Variants in SH3PXD2B observed in about 807,000 individuals in gnomAD.
The protein encoded by SH3PXD2B is SH3 and PX domains 2B, also known as SH3 and PX domain-containing protein 2B.
In SH3PXD2B, 37 loss-of-function variants were observed where a neutral mutation model predicts 73.1. The ratio of observed to expected loss-of-function variants is 0.51; its 90% CI spans 0.39 to 0.67. The LOEUF (loss-of-function observed/expected upper bound fraction) is 0.67. Among genes scored for constraint, SH3PXD2B ranks in the 30% least tolerant of loss-of-function variants. The pLI is 0.00. For missense variants in SH3PXD2B, 1,053 were observed against 1,197.8 expected (o/e 0.88, Z 1.78); for synonymous variants, 457 against 480.5 (o/e 0.95, Z 0.64).
chr5:172,412,100 A>G (rs1457908700), intron 2 of SH3PXD2B, among the ~76,000 whole-genome samples: 2 of 152,188 alleles, frequency 1.3e-5, no homozygotes, highest in Non-Finnish European at 1.5e-5. Flanking sequence ...CACTTAGCAT[A>G]AGGTCCTCAA....
rs974814826 is a variant in SH3PXD2B, at chr5:172,338,240, A to G, written c.*129T>C. 8 of 1,567,228 alleles carry G rather than the reference A, an allele frequency of 5.1e-6. No individual in the cohort carries two copies. The African/African-American group carries it at 1.1e-4, about 21-fold the overall frequency. On this transcript the variant is annotated 3_prime_UTR_variant, in exon 13 of 13. Transcript: ENST00000311601. The surrounding 1 kb of genome is among the most constrained non-coding windows in gnomAD (Gnocchi z 5.1). ...ACTCACTCTCCACCCATGGGAGGCA[A>G]GAAGTCACAGTACCCCAGAGTCTGT...
At chr5:172,393,969 G>C (rs1220604394) in intron 4 of SH3PXD2B, among the ~76,000 whole-genome samples, 2 of 151,416 alleles carry the variant, frequency 1.3e-5, no homozygotes, top group Non-Finnish European at 2.9e-5. Flanking sequence ...TTTTGAGACA[G>C]AGCCTCACTC....
chr5:172,329,870 G>A (rs1040088918), downstream of SH3PXD2B, among the ~76,000 whole-genome samples: 11 of 152,038 alleles, frequency 7.2e-5, no homozygotes, highest in Non-Finnish European at 1.6e-4. Flanking sequence ...ATGAACCTGG[G>A]CCTTATTAAT....
chr5:172,416,193 T>C (rs116107820), intron 2 of SH3PXD2B, among the ~76,000 whole-genome samples: 2,323 of 152,148 alleles, frequency 0.015, 57 homozygotes, highest in African/African-American at 0.053. Context: ...TCAGGCGTGG[T>C]GGCACACACC....
rs374046059 is a variant in SH3PXD2B, at chr5:172,347,342, A to C, written c.1013-10T>G. 34 of 1,613,784 alleles carry C rather than the reference A, an allele frequency of 2.1e-5. No individual in the cohort carries two copies. The African/African-American group carries it at 4.1e-4, about 20-fold the overall frequency. On this transcript the variant is annotated splice_polypyrimidine_tract_variant and intron_variant, in intron 10 of 12. Coordinates refer to ENST00000311601, the MANE Select transcript of SH3PXD2B (RefSeq NM_001017995.3). ...CTCATCTTTGGTGATCCTATGGAGA[A>C]ATGAGAGCTTATTACATCTTGTGCT...
chr5:172,329,083 A>ATATATTTTTTTTTTTTTTTTTTTT (rs58472514), downstream of SH3PXD2B, among the ~76,000 whole-genome samples: 1 of 61,818 alleles, frequency 1.6e-5, no homozygotes, highest in African/African-American at 7.8e-5. Flanking sequence ...ATATATATAT[A>ATATATTTTTTTTTTTTTTTTTTTT]TTTTTTTTTT....
chr5:172,346,279 A>T lies in SH3PXD2B; in HGVS notation c.1063-18T>A, dbSNP rs771167078. 1.9e-6 allele frequency: 3 copies of T among 1,613,376 alleles called. No homozygotes were observed. Among genetic ancestry groups the T allele is most frequent in the Non-Finnish European group, 2.5e-6 (3 of 1,179,852 alleles). ...CCTCGAGGCTGGTACGATCACACACAGGGTTATCTCCAAGGCTAAGTGCAC... is the reference window on the plus strand; with the variant it reads ...CCTCGAGGCTGGTACGATCACACACTGGGTTATCTCCAAGGCTAAGTGCAC... On this transcript the variant is annotated intron_variant, in intron 11 of 12. Transcript: ENST00000311601.
intron 6 of SH3PXD2B, among the ~76,000 whole-genome samples, chr5:172,370,996 G>C (rs1032278789): frequency 6.6e-6 from 1 of 152,172 alleles, no homozygotes; most frequent in Non-Finnish European, 1.5e-5. Flanking sequence ...TTGTGGCCCA[G>C]CAGGAAATAT....
downstream of SH3PXD2B, among the ~76,000 whole-genome samples, chr5:172,332,622 G>A (rs1398398162): frequency 1.3e-5 from 2 of 151,960 alleles, no homozygotes; most frequent in African/African-American, 4.8e-5. Flanking sequence ...CCTAAGCAAG[G>A]TCTGCAAGAA....
intron 6 of SH3PXD2B, among the ~76,000 whole-genome samples, chr5:172,368,566 AAAATATGT>A (rs1757605056): frequency 1.8e-4 from 4 of 21,920 alleles, no homozygotes; most frequent in African/African-American, 3.8e-4. Context: ...ATATATATAT[AAAATATGT>A]TATATATATA....
At chr5:172,439,459 G>A (rs1259281117) in intron 1 of SH3PXD2B, among the ~76,000 whole-genome samples, 1 of 151,938 alleles carries the variant, frequency 6.6e-6, no homozygotes, top group Non-Finnish European at 1.5e-5. Context: ...GTTGGCTGAG[G>A]GCTAAAGGCG....
chr5:172,412,823 G>A (rs770339602), intron 2 of SH3PXD2B, among the ~76,000 whole-genome samples: 8 of 152,214 alleles, frequency 5.3e-5, no homozygotes, highest in Non-Finnish European at 7.3e-5. Context: ...GCTCCCCCCA[G>A]ATAACAAAAG....
rs1263506150 is a variant in SH3PXD2B, at chr5:172,350,425, A to G, written c.950T>C (p.Leu317Pro). The change falls in exon 10 of 13, where the codon CTC becomes CCC. Residue 317 changes from leucine to proline, a missense_variant. This residue lies in a region of SH3PXD2B where 466 missense variants were observed against 607.1 expected (regional missense o/e 0.77). Transcript: ENST00000311601. ...AAACCGCCCGTCCCTCTGGCTGCTG[A>G]GCAGCTCCTTCTCCCTGCCCACCGC... is the stretch of plus-strand genomic sequence containing the variant. ...QNAVGREKELLSSQRDGRFEG... is the reference protein window; with the variant it reads ...QNAVGREKELPSSQRDGRFEG... The G allele has an allele frequency of 1.2e-6, 2 of 1,614,022 alleles. No individual in the cohort carries two copies. Among genetic ancestry groups the G allele is most frequent in the Non-Finnish European group, 1.7e-6 (2 of 1,180,012 alleles).
chr5:172,438,859 T>C (rs552236745), intron 1 of SH3PXD2B, among the ~76,000 whole-genome samples: 1 of 151,826 alleles, frequency 6.6e-6, no homozygotes, highest in South Asian at 2.1e-4. Context: ...AAAATTTTAC[T>C]GCGTTACACC....
chr5:172,334,098 T>G lies in SH3PXD2B; in HGVS notation c.*4271A>C. ...AGAGGTTGAGCCCCTCATCCCTGAT[T>G]GGAGCTAAGAAGGCTTACTTTGGAG... is the stretch of plus-strand genomic sequence containing the variant. On this transcript the variant is annotated 3_prime_UTR_variant, in exon 13 of 13. Coordinates refer to ENST00000311601, the MANE Select transcript of SH3PXD2B (RefSeq NM_001017995.3). 1 of 1,132,692 alleles carries G rather than the reference T, an allele frequency of 8.8e-7. No individual in the cohort carries two copies. The highest frequency in any genetic ancestry group is 1.1e-6 in the Non-Finnish European group (1 of 919,262). 70.2% of individuals were successfully genotyped at this position (1,132,692 alleles called of 1,614,324 possible).
At chr5:172,407,860 A>C (rs10476025) in intron 2 of SH3PXD2B, among the ~76,000 whole-genome samples, 1 of 152,058 alleles carries the variant, frequency 6.6e-6, no homozygotes, top group East Asian at 1.9e-4. Context: ...TCATTGCTTT[A>C]AGGTGGACCT....
intron 12 of SH3PXD2B, among the ~76,000 whole-genome samples, chr5:172,327,864 G>C (rs2339427): frequency 0.65 from 97,460 of 150,598 alleles, 31,551 homozygotes; most frequent in South Asian, 0.84. Flanking sequence ...AAGCAATTCT[G>C]CTGCCTCAGC....
Position 172,454,486 on chromosome 5 carries a change from C to T in SH3PXD2B, c.-134G>A, listed in dbSNP as rs1759890000. The T allele has an allele frequency of 8.4e-6, 2 of 236,780 alleles. No homozygotes were observed. The highest frequency in any genetic ancestry group is 1.7e-4 in the East Asian group (1 of 5,926). The allele number at this position is 236,780 out of a possible 1,614,324, so 14.7% of individuals were successfully genotyped here. ...CGCAGCCGGGGCCGAGCACGAGCCG[C>T]CGCCGCCACCGCCGCCGCCCTTCGC... On this transcript the variant is annotated 5_prime_UTR_variant, in exon 1 of 13. Transcript: ENST00000311601.
At chr5:172,329,076 TA>T (rs1561884428), downstream of SH3PXD2B, among the ~76,000 whole-genome samples, 28 of 81,418 alleles carry the variant, frequency 3.4e-4, no homozygotes, top group African/African-American at 5.8e-4. Flanking sequence ...TATATATATA[TA>T]TATATATTTT....
Sources: gnomAD v4.1 joint callset for allele counts (sites outside exome capture counted in the v4.1 genomes callset) on GRCh38, gnomAD v4.1.1 for gene constraint, gnomAD v4.1.1 regional missense constraint, Gnocchi (gnomAD v3.1) non-coding constraint, MANE v1.5 for transcripts, NCBI Gene and HGNC (gene_info 2026-07-23, HGNC 2026-07-21) for gene names.